Variants in COL8A1 observed in about 807,000 individuals in gnomAD.
The protein encoded by COL8A1 is collagen type VIII alpha 1 chain.
In COL8A1, 21 loss-of-function variants were observed where a neutral mutation model predicts 42.7. That is an observed-to-expected ratio of 0.49 (90% CI 0.35 to 0.71). The LOEUF is 0.71. COL8A1 is among the 30% of genes least tolerant of loss of function. The probability of loss-of-function intolerance (pLI) is 0.01; values close to 1 mark genes in which losing one functional copy is unlikely to be tolerated. For synonymous variants in COL8A1, 367 were observed against 369.1 expected (o/e 0.99, Z 0.06); for missense variants, 788 against 962.4 (o/e 0.82, Z 2.40).
chr3:99,674,084 C>T (rs1938620958), intron 1 of COL8A1, among the ~76,000 whole-genome samples: 1 of 152,010 alleles, frequency 6.6e-6, no homozygotes, highest in Admixed American at 6.6e-5. Flanking sequence ...AGAAACAATC[C>T]TATGCTATCA....
At chr3:99,701,075 T>G (rs112878723) in intron 1 of COL8A1, among the ~76,000 whole-genome samples, 2 of 152,328 alleles carry the variant, frequency 1.3e-5, no homozygotes, top group African/African-American at 4.8e-5. Flanking sequence ...TGAATTTCTT[T>G]TCCTCTGATA....
intron 2 of COL8A1, among the ~76,000 whole-genome samples, chr3:99,784,630 C>A (rs564892645): frequency 1.1e-4 from 17 of 152,258 alleles, no homozygotes; most frequent in African/African-American, 3.4e-4. Context: ...CTAAATATAT[C>A]TAAACATAGA....
chr3:99,697,701 G>A (rs1212974922), intron 1 of COL8A1, among the ~76,000 whole-genome samples: 1 of 152,224 alleles, frequency 6.6e-6, no homozygotes, highest in African/African-American at 2.4e-5. Context: ...TCAAGATTCA[G>A]TGCACCTGCT....
At chr3:99,682,643 T>C (rs1483288184) in intron 1 of COL8A1, among the ~76,000 whole-genome samples, 2 of 149,788 alleles carry the variant, frequency 1.3e-5, no homozygotes, top group African/African-American at 2.4e-5. Flanking sequence ...GTGCCTTAAG[T>C]GGTTTAGAGT....
chr3:99,714,872 G>C lies in COL8A1; in HGVS notation c.-128-30025G>C, dbSNP rs557104035. ...AGGGAGAAGGAACCACTTTACATAG[G>C]GAAAGCCCCTCTGAGGAAATAACAC... On this transcript the variant is annotated intron_variant, in intron 1 of 3. Coordinates refer to ENST00000652472, the MANE Select transcript of COL8A1 (RefSeq NM_020351.4). 7.2e-5 allele frequency among the ~76,000 whole-genome samples: 11 copies of C among 152,136 alleles called. No individual in the cohort carries two copies. In the East Asian group the frequency reaches 2.1e-3, roughly 29 times the overall value.
chr3:99,745,175 C>A (rs1174210097), intron 2 of COL8A1, among the ~76,000 whole-genome samples, 154 bp downstream of exon 2: 1 of 152,174 alleles, frequency 6.6e-6, no homozygotes, highest in Non-Finnish European at 1.5e-5. Context: ...CCCATCGTTG[C>A]AAAAGCCTTG....
Position 99,794,520 on chromosome 3 carries a change from A to G in COL8A1, c.619A>G (p.Ile207Val). ...TCCAGGGCCTCATGGACTTCCTGGC[A>G]TTGGGAAGCCAGGTGGGCCAGGGTT... ...GPPGPHGLPG[I>V]GKPGGPGLPG... is the part of the protein sequence containing the mutation. Residue 207 changes from isoleucine to valine, a missense_variant, in exon 4 of 4, where the codon ATT becomes GTT. Ile to Val is a conservative substitution (Grantham distance 29). Coordinates refer to ENST00000652472, the MANE Select transcript of COL8A1 (RefSeq NM_020351.4). This position sits in a 1 kb window ranked among gnomAD's most constrained non-coding sequence, Gnocchi z 4.3. 1 of 1,613,950 alleles carries G rather than the reference A, an allele frequency of 6.2e-7. No individual in the cohort carries two copies. Among genetic ancestry groups the G allele is most frequent in the Non-Finnish European group, 8.5e-7 (1 of 1,179,918 alleles).
At chr3:99,745,387 CT>C (rs1941003417) in intron 2 of COL8A1, among the ~76,000 whole-genome samples, 1 of 152,096 alleles carries the variant, frequency 6.6e-6, no homozygotes, top group African/African-American at 2.4e-5. Flanking sequence ...ACTTAAGCTT[CT>C]TTTCATGATT....
chr3:99,763,354 G>A (rs1406404812), intron 2 of COL8A1, among the ~76,000 whole-genome samples: 3 of 152,134 alleles, frequency 2.0e-5, no homozygotes, highest in Admixed American at 6.5e-5. Context: ...GAGAGGGAAG[G>A]ATGGGTTCCT....
chr3:99,740,668 C>T (rs1455973657), intron 1 of COL8A1, among the ~76,000 whole-genome samples: 1 of 152,160 alleles, frequency 6.6e-6, no homozygotes, highest in Non-Finnish European at 1.5e-5. Flanking sequence ...ATGGAAACTA[C>T]AATTCAAGAT....
chr3:99,679,985 G>C (rs1938818827), intron 1 of COL8A1: 2 of 152,000 alleles, frequency 1.3e-5, no homozygotes, highest in Admixed American at 6.6e-5. Context: ...AGCAATTATG[G>C]ACCCTACTTA....
At chr3:99,780,791 GTTC>G in intron 2 of COL8A1, among the ~76,000 whole-genome samples, 1 of 152,038 alleles carries the variant, frequency 6.6e-6, no homozygotes, top group Non-Finnish European at 1.5e-5. Flanking sequence ...TTTGAAAAAT[GTTC>G]AGTGGATTAA....
intron 1 of COL8A1, among the ~76,000 whole-genome samples, chr3:99,727,586 G>GT (rs1193617487): frequency 1.3e-5 from 2 of 151,884 alleles, no homozygotes; most frequent in African/African-American, 4.8e-5. Context: ...CCCATTGCTT[G>GT]TTTTTTGTCA....
chr3:99,726,160 G>T (rs1940317736), intron 1 of COL8A1, among the ~76,000 whole-genome samples: 1 of 152,146 alleles, frequency 6.6e-6, no homozygotes, highest in Admixed American at 6.6e-5. Context: ...TTTCTCTGAT[G>T]GCCAGTGATG....
At chr3:99,686,293 A>G (rs1939049114) in intron 1 of COL8A1, among the ~76,000 whole-genome samples, 1 of 152,256 alleles carries the variant, frequency 6.6e-6, no homozygotes. Context: ...ATTTCATTCA[A>G]TTTAGTATAA....
intron 2 of COL8A1, among the ~76,000 whole-genome samples, chr3:99,783,736 G>A (rs138728631): frequency 3.1e-3 from 476 of 152,302 alleles, no homozygotes; most frequent in African/African-American, 0.011. Context: ...GAGCACGTGC[G>A]CGCAAGGTGC....
chr3:99,674,042 T>G (rs1313094350), intron 1 of COL8A1, among the ~76,000 whole-genome samples: 1 of 152,084 alleles, frequency 6.6e-6, no homozygotes, highest in African/African-American at 2.4e-5. Flanking sequence ...AATGATTTCA[T>G]GAATTTTGGG....
chr3:99,713,958 T>C (rs1476448592), intron 1 of COL8A1, among the ~76,000 whole-genome samples: 2 of 152,094 alleles, frequency 1.3e-5, no homozygotes, highest in African/African-American at 2.4e-5. Context: ...CCTGTGGCTC[T>C]GATGAGAGGG....
intron 2 of COL8A1, among the ~76,000 whole-genome samples, chr3:99,788,288 T>C (rs1354916960): frequency 2.6e-5 from 4 of 152,236 alleles, no homozygotes; most frequent in African/African-American, 9.6e-5. Context: ...ACAGGACAGA[T>C]ATGCTGAGCC....
Sources: allele counts gnomAD v4.1 joint callset (sites outside exome capture counted in the v4.1 genomes callset), GRCh38; gene constraint gnomAD v4.1.1; non-coding constraint Gnocchi (gnomAD v3.1); transcripts MANE v1.5; gene names NCBI Gene and HGNC (gene_info 2026-07-23, HGNC 2026-07-21).